ATRNL1: variants seen among roughly 807,000 people sequenced by gnomAD.
ATRNL1 encodes the protein attractin like 1, also known as attractin-like protein 1.
ATRNL1 carries 95 observed loss-of-function variants against 182.7 expected under a neutral mutation model. The ratio of observed to expected loss-of-function variants is 0.52; its 90% CI spans 0.44 to 0.62. The LOEUF is 0.62. Among genes scored for constraint, ATRNL1 ranks in the 20% least tolerant of loss-of-function variants. The pLI, the probability that ATRNL1 is intolerant of heterozygous loss-of-function variation, is 0.00. For missense variants in ATRNL1, 1,471 were observed against 1,679.5 expected, an observed-to-expected ratio of 0.88 and a Z score of 2.17; for synonymous variants, 576 against 568.3, an observed-to-expected ratio of 1.01 and a Z score of -0.19.
At chr10:115,700,782 C>T (rs920098360) in intron 26 of ATRNL1, among the ~76,000 whole-genome samples, 6 of 151,968 alleles carry the variant, frequency 3.9e-5, no homozygotes, top group Non-Finnish European at 5.9e-5. Flanking sequence ...ATGCACTCAA[C>T]GTTGGAGCAC....
chr10:115,244,055 G>T (rs1850529226), intron 10 of ATRNL1, among the ~76,000 whole-genome samples: 1 of 152,044 alleles, frequency 6.6e-6, no homozygotes, highest in African/African-American at 2.4e-5. Flanking sequence ...CATGGAGTAT[G>T]TTTTTGTGGA....
chr10:115,579,766 A>G (rs1555006585), intron 26 of ATRNL1, among the ~76,000 whole-genome samples: 1 of 151,746 alleles, frequency 6.6e-6, no homozygotes, highest in African/African-American at 2.4e-5. Flanking sequence ...CATTTTGTTA[A>G]CTGTTTTCTT....
intron 9 of ATRNL1, among the ~76,000 whole-genome samples, chr10:115,224,578 AAT>A (rs782560795): frequency 3.3e-5 from 5 of 152,320 alleles, no homozygotes; most frequent in Middle Eastern, 3.4e-3. Flanking sequence ...TTTTAATAGT[AAT>A]AGATAAATCC....
intron 8 of ATRNL1, among the ~76,000 whole-genome samples, chr10:115,175,338 G>A: frequency 6.6e-6 from 1 of 151,996 alleles, no homozygotes; most frequent in East Asian, 1.9e-4. Flanking sequence ...GATAAATATT[G>A]ATATAGGTTG....
intron 26 of ATRNL1, among the ~76,000 whole-genome samples, chr10:115,613,965 T>G (rs1555019897): frequency 6.6e-6 from 1 of 152,028 alleles, no homozygotes; most frequent in Non-Finnish European, 1.5e-5. Context: ...TTCAAACAAC[T>G]AGGTTTTTGT....
chr10:115,800,805 G>A (rs1949774411), intron 27 of ATRNL1, among the ~76,000 whole-genome samples: 1 of 151,968 alleles, frequency 6.6e-6, no homozygotes. Context: ...CAAGCCAGGA[G>A]GAGAGTCATC....
At position 115,286,199 on chromosome 10, in the gene ATRNL1, A is replaced by C. The variant is rs1852604052; in HGVS notation, c.2234-17A>C. The C allele has an allele frequency of 2.2e-6, 3 of 1,373,140 alleles. No homozygotes were observed. Among genetic ancestry groups the C allele is most frequent in the Non-Finnish European group, 2.0e-6 (2 of 982,950 alleles). 85.1% of individuals were successfully genotyped at this position (1,373,140 alleles called of 1,614,324 possible). A position where few individuals can be genotyped will look rare whatever the true frequency, so the allele number is the denominator to read the frequency against. On this transcript the variant is annotated splice_polypyrimidine_tract_variant and intron_variant, in intron 14 of 28. Coordinates refer to ENST00000355044, the MANE Select transcript of ATRNL1 (RefSeq NM_207303.4). The stretch of plus-strand genomic sequence containing the variant: ...TTTTGGTAATCTAACAATAAGACAC[A>C]TTTTTTTTCTTACTAGCTCATCTTT...
At chr10:115,702,394 A>G (rs1207789233) in intron 26 of ATRNL1, among the ~76,000 whole-genome samples, 1 of 152,096 alleles carries the variant, frequency 6.6e-6, no homozygotes, top group African/African-American at 2.4e-5. Flanking sequence ...TTCCTATTCA[A>G]CATAGTTCTG....
intron 17 of ATRNL1, among the ~76,000 whole-genome samples, chr10:115,302,458 T>C (rs1554924917): frequency 6.6e-6 from 1 of 152,110 alleles, no homozygotes; most frequent in East Asian, 1.9e-4. Flanking sequence ...GTTTTGGAGG[T>C]TTCTCAATTT....
At chr10:115,187,878 C>T (rs1204588109) in intron 8 of ATRNL1, among the ~76,000 whole-genome samples, 5 of 151,682 alleles carry the variant, frequency 3.3e-5, no homozygotes, top group African/African-American at 4.8e-5. Context: ...GATGGGGTTT[C>T]ACCATGTTAA....
chr10:115,543,571 T>C (rs1477322455), intron 25 of ATRNL1, among the ~76,000 whole-genome samples: 2 of 152,164 alleles, frequency 1.3e-5, no homozygotes, highest in African/African-American at 4.8e-5. Context: ...TTATGATCAG[T>C]TAACCTCAAA....
intron 27 of ATRNL1, among the ~76,000 whole-genome samples, chr10:115,833,736 C>T (rs78993038): frequency 0.016 from 2,508 of 152,178 alleles, 83 homozygotes; most frequent in African/African-American, 0.058. Flanking sequence ...CCCAAGTAAG[C>T]GGCAGTTAAG....
intron 27 of ATRNL1, among the ~76,000 whole-genome samples, chr10:115,822,183 G>A (rs535803795): frequency 4.6e-5 from 7 of 152,146 alleles, no homozygotes; most frequent in African/African-American, 1.7e-4. Flanking sequence ...ATGACTACTG[G>A]GTAAATAACA....
chr10:115,903,977 A>G (rs1210915310), intron 28 of ATRNL1, among the ~76,000 whole-genome samples: 5 of 152,174 alleles, frequency 3.3e-5, no homozygotes, highest in Non-Finnish European at 7.4e-5. Flanking sequence ...ACTGGGGGAC[A>G]TGCCTATGAA....
rs889574292 is a variant in ATRNL1 at position 115,408,737 on chromosome 10, G to T, written c.3269+13985G>T. ...TAGGTATTTGATCCATTTTTCCGTT[G>T]TTTTTTGTATAGGGCAAGAGGTGAG... On this transcript the variant is annotated intron_variant, in intron 20 of 28. Transcript: ENST00000355044. 2.6e-5 allele frequency among the ~76,000 whole-genome samples: 4 copies of T among 151,696 alleles called. No homozygotes were observed. In the South Asian group the frequency reaches 8.3e-4, roughly 32 times the overall value.
chr10:115,397,740 A>G (rs1554955984), intron 20 of ATRNL1, among the ~76,000 whole-genome samples: 3 of 151,964 alleles, frequency 2.0e-5, no homozygotes, highest in African/African-American at 7.2e-5. Context: ...GTAGAAATGA[A>G]CATGATCATA....
intron 1 of ATRNL1, among the ~76,000 whole-genome samples, chr10:115,114,202 A>G (rs1844379436): frequency 6.6e-6 from 1 of 152,172 alleles, no homozygotes; most frequent in South Asian, 2.1e-4. Flanking sequence ...GTATCCAGAT[A>G]TAGAAGAATG....
At chr10:115,745,785 G>A (rs915268778) in intron 27 of ATRNL1, among the ~76,000 whole-genome samples, 2 of 152,020 alleles carry the variant, frequency 1.3e-5, no homozygotes, top group African/African-American at 2.4e-5. Context: ...CAACATTGGT[G>A]GGGTCTGGCT....
chr10:115,415,669 C>T (rs1357259722), intron 20 of ATRNL1, among the ~76,000 whole-genome samples: 4 of 151,536 alleles, frequency 2.6e-5, no homozygotes, highest in Non-Finnish European at 4.4e-5. Flanking sequence ...AATTAACATC[C>T]TTTTTTTACT....
Sources: gnomAD v4.1 joint callset for allele counts (sites outside exome capture counted in the v4.1 genomes callset) on GRCh38, gnomAD v4.1.1 for gene constraint, MANE v1.5 for transcripts, NCBI Gene and HGNC (gene_info 2026-07-23, HGNC 2026-07-21) for gene names.